The following LYPD6 variants were observed in gnomAD, a reference collection of about 807,000 sequenced individuals.
LYPD6 encodes the protein ly6/PLAUR domain-containing protein 6.
A neutral mutation model predicts 22.7 loss-of-function variants in LYPD6; 15 were observed. The ratio of observed to expected loss-of-function variants is 0.66; its 90% CI spans 0.44 to 1.02. LYPD6 has a LOEUF of 1.02. LYPD6 is among the 50% of genes least tolerant of loss of function. LYPD6 has a pLI of 0.00. For missense variants in LYPD6, 189 were observed against 208.4 expected (o/e 0.91, Z 0.57); for synonymous variants, 72 against 77.5 (o/e 0.93, Z 0.37).
chr2:149,472,009 T>C lies in LYPD6; in HGVS notation c.*1159T>C, dbSNP rs1308265907. The C allele has an allele frequency of 1.3e-5, 2 of 152,626 alleles. No individual in the cohort carries two copies. Among genetic ancestry groups the C allele is most frequent in the South Asian group, 2.1e-4 (1 of 4,822 alleles). 9.5% of individuals were successfully genotyped at this position (152,626 alleles called of 1,614,324 possible). On this transcript the variant is annotated 3_prime_UTR_variant, in exon 5 of 5. Transcript: ENST00000334166. Reference sequence around the variant, plus strand: ...GGGAAGTTTTTCTTTCTTTTAGATATTGCTTTTGAAGTAGATGGTAAAATT... The same window carrying C: ...GGGAAGTTTTTCTTTCTTTTAGATACTGCTTTTGAAGTAGATGGTAAAATT...
In LYPD6 at chr2:149,457,131, A is replaced by G. The variant is rs901606855; in HGVS notation, c.217+7984A>G. ...GAGGAATAGAATTTTAGCTTCATAGAATATGCATAGGTTTACTTTTAGTAG... is the reference window on the plus strand; with the variant it reads ...GAGGAATAGAATTTTAGCTTCATAGGATATGCATAGGTTTACTTTTAGTAG... On this transcript the variant is annotated intron_variant, in intron 3 of 4. Coordinates refer to ENST00000334166, the MANE Select transcript of LYPD6 (RefSeq NM_194317.5). 3.3e-5 allele frequency among the ~76,000 whole-genome samples: 5 copies of G among 152,190 alleles called. No homozygotes were observed. The East Asian group carries it at 7.7e-4, about 23-fold the overall frequency.
chr2:149,409,728 G>A (rs1682811769), intron 1 of LYPD6, among the ~76,000 whole-genome samples: 1 of 152,058 alleles, frequency 6.6e-6, no homozygotes, highest in Non-Finnish European at 1.5e-5. Context: ...AGGGAAGTGG[G>A]AGAAAGCTGG....
intron 1 of LYPD6, among the ~76,000 whole-genome samples, chr2:149,423,269 C>T (rs959743170): frequency 5.3e-5 from 8 of 152,124 alleles, no homozygotes; most frequent in African/African-American, 1.9e-4. Flanking sequence ...ATTAGATTGG[C>T]CTGAAGCATT....
At chr2:149,452,072 G>C (rs1039143449) in intron 3 of LYPD6, among the ~76,000 whole-genome samples, 1 of 152,190 alleles carries the variant, frequency 6.6e-6, no homozygotes, top group Admixed American at 6.6e-5. Flanking sequence ...TGGAGGTCCA[G>C]CATTGAAGAG....
chr2:149,481,312 C>T, the LYPD6 span, among the ~76,000 whole-genome samples: 29 of 152,192 alleles, frequency 1.9e-4, no homozygotes, highest in Non-Finnish European at 4.3e-4. Context: ...TATATTTAAT[C>T]TTGCACTAAA....
intron 1 of LYPD6, among the ~76,000 whole-genome samples, chr2:149,400,033 C>T (rs1341642394): frequency 6.6e-6 from 1 of 152,212 alleles, no homozygotes; most frequent in Admixed American, 6.5e-5. Context: ...GTGGAAAAGC[C>T]TGTGTGACTG....
chr2:149,387,948 G>C (rs543092500), intron 1 of LYPD6, among the ~76,000 whole-genome samples: 106 of 152,262 alleles, frequency 7.0e-4, no homozygotes, highest in Admixed American at 1.6e-3. Flanking sequence ...TGACTTCTAA[G>C]TATTTGGTAG....
chr2:149,370,144 G>T (rs1390119051), intron 1 of LYPD6, among the ~76,000 whole-genome samples: 2 of 152,152 alleles, frequency 1.3e-5, no homozygotes, highest in South Asian at 2.1e-4. Flanking sequence ...TTCTTCTTTT[G>T]CTCCTTAAAT....
intron 1 of LYPD6, among the ~76,000 whole-genome samples, chr2:149,400,532 T>C (rs193230747): frequency 2.0e-5 from 3 of 152,364 alleles, no homozygotes; most frequent in African/African-American, 7.2e-5. Flanking sequence ...CCTGGGATTA[T>C]ATAGTCATGT....
intron 1 of LYPD6, among the ~76,000 whole-genome samples, chr2:149,398,413 TTGTGTGTGTGTGTGTGTGTG>T (rs10584410): frequency 2.0e-5 from 3 of 147,760 alleles, no homozygotes; most frequent in African/African-American, 7.5e-5. Flanking sequence ...AAAGATGGCT[TTGTGTGTGTGTGTGTGTGTG>T]TGTGTGTGTG....
intron 1 of LYPD6, among the ~76,000 whole-genome samples, chr2:149,403,148 G>C (rs1300299813): frequency 1.3e-5 from 2 of 152,028 alleles, no homozygotes; most frequent in African/African-American, 2.4e-5. Flanking sequence ...CATTTGGGTT[G>C]GTTCCAAGTC....
At chr2:149,462,822 G>A (rs1233816182) in intron 3 of LYPD6, among the ~76,000 whole-genome samples, 1 of 151,992 alleles carries the variant, frequency 6.6e-6, no homozygotes, top group Non-Finnish European at 1.5e-5. Flanking sequence ...TTAACAAATG[G>A]TACTGGAGGA....
chr2:149,466,090 A>G (rs1681194430), intron 3 of LYPD6, among the ~76,000 whole-genome samples: 1 of 152,188 alleles, frequency 6.6e-6, no homozygotes, highest in Admixed American at 6.5e-5. Context: ...GGCTGAAACT[A>G]GGTTTTTATC....
chr2:149,434,586 T>C (rs766483257), intron 1 of LYPD6, among the ~76,000 whole-genome samples: 1 of 152,226 alleles, frequency 6.6e-6, no homozygotes, highest in Non-Finnish European at 1.5e-5. Flanking sequence ...ATGATGTTTT[T>C]ATCACTCATC....
intron 1 of LYPD6, among the ~76,000 whole-genome samples, chr2:149,408,024 A>C (rs1041230764): frequency 6.6e-6 from 1 of 152,224 alleles, no homozygotes; most frequent in African/African-American, 2.4e-5. Flanking sequence ...CCTGGGTATC[A>C]GCAGCGGTGT....
At chr2:149,477,313 C>T (rs1681461193), downstream of LYPD6, among the ~76,000 whole-genome samples, 2 of 151,996 alleles carry the variant, frequency 1.3e-5, no homozygotes, top group South Asian at 2.1e-4. Flanking sequence ...TCTTTAAAGT[C>T]AGATCATCTT....
chr2:149,345,939 A>G (rs1029967773), intron 1 of LYPD6, among the ~76,000 whole-genome samples: 1 of 151,834 alleles, frequency 6.6e-6, no homozygotes, highest in African/African-American at 2.4e-5. Flanking sequence ...TTTGAATTAA[A>G]CTCTTCCATT....
chr2:149,396,208 T>C (rs1682425598), intron 1 of LYPD6, among the ~76,000 whole-genome samples: 3 of 152,206 alleles, frequency 2.0e-5, no homozygotes, highest in African/African-American at 7.2e-5. Context: ...GAACTCTCTG[T>C]GAAATCAACT....
intron 1 of LYPD6, among the ~76,000 whole-genome samples, chr2:149,395,673 C>A (rs1354157245): frequency 6.6e-6 from 1 of 151,768 alleles, no homozygotes; most frequent in African/African-American, 2.4e-5. Context: ...CTATTTTTTC[C>A]CCTCAATTTG....
Sources: allele counts gnomAD v4.1 joint callset (sites outside exome capture counted in the v4.1 genomes callset), GRCh38; gene constraint gnomAD v4.1.1; transcripts MANE v1.5; gene names NCBI Gene and HGNC (gene_info 2026-07-23, HGNC 2026-07-21).